Variants in ALOX12 observed in about 807,000 individuals in gnomAD.
The protein encoded by ALOX12 is arachidonate 12-lipoxygenase, 12S type, also known as polyunsaturated fatty acid lipoxygenase ALOX12.
A neutral mutation model predicts 85.5 loss-of-function variants in ALOX12; 62 were observed. That is an observed-to-expected ratio of 0.73 (90% CI 0.59 to 0.90). ALOX12 has a LOEUF of 0.90. ALOX12 is among the 40% of genes least tolerant of loss of function. The pLI is 0.00. For missense variants in ALOX12, 751 were observed against 856.5 expected (o/e 0.88, Z 1.54); for synonymous variants, 299 against 332.7 (o/e 0.90, Z 1.10).
In ALOX12 at chr17:7,006,669, C is replaced by A. The variant is rs73979715; in HGVS notation, c.1540+62C>A. 149 of 1,514,212 alleles carry A rather than the reference C, an allele frequency of 9.8e-5. No homozygotes were observed. The African/African-American group carries it at 2.0e-3, about 20-fold the overall frequency. The allele number at this position is 1,514,212 out of a possible 1,614,324, so 93.8% of individuals were successfully genotyped here. On this transcript the variant is annotated intron_variant, in intron 11 of 13. Transcript: ENST00000251535. Reference sequence around the variant, plus strand: ...AGACTCTGCCAGGGCGCCTTCCCAGCCCTGCCCTTCTGGGGACAGGACCCC... The same window carrying A: ...AGACTCTGCCAGGGCGCCTTCCCAGACCTGCCCTTCTGGGGACAGGACCCC...
chr17:6,999,120 C>T, intron 5 of ALOX12, 64 bp downstream of exon 5: 1 of 1,537,384 alleles, frequency 6.5e-7, no homozygotes, highest in Non-Finnish European at 9.0e-7. Context: ...CATCACACTC[C>T]ACAGTCCCCC....
intron 11 of ALOX12, chr17:7,009,436 A>G (rs1187484037): frequency 3.6e-6 from 1 of 276,330 alleles, no homozygotes. Flanking sequence ...CAATCCTTCC[A>G]TAACAATAAT....
At position 7,004,520 on chromosome 17, in the gene ALOX12, A is replaced by G. The variant is rs1227269050; in HGVS notation, c.1162-737A>G. 4.7e-5 allele frequency among the ~76,000 whole-genome samples: 7 copies of G among 147,936 alleles called. No individual in the cohort carries two copies. The East Asian group carries it at 9.7e-4, about 21-fold the overall frequency. On this transcript the variant is annotated intron_variant, in intron 8 of 13. Transcript: ENST00000251535. ...AATATTAAATTAATTTAAATTTAAT[A>G]TTAAATTTTAATAGCTAAGGAAAAT... is the stretch of plus-strand genomic sequence containing the variant.
At chr17:6,998,869 A>G in intron 4 of ALOX12, 32 bp downstream of exon 4, 1 of 1,614,154 alleles carries the variant, frequency 6.2e-7, no homozygotes, top group Non-Finnish European at 8.5e-7. Context: ...GGAGTGAAAT[A>G]AGGGCTGGGA....
At chr17:7,005,472 G>GTA in intron 9 of ALOX12, 129 bp downstream of exon 9, 16 of 322,420 alleles carry the variant, frequency 5.0e-5, no homozygotes, top group East Asian at 6.1e-5. Context: ...TTATACCCAT[G>GTA]TCTTTTTTTT....
At chr17:6,999,119 C>A in intron 5 of ALOX12, 63 bp downstream of exon 5, 1 of 1,534,820 alleles carries the variant, frequency 6.5e-7, no homozygotes, top group South Asian at 1.1e-5. Flanking sequence ...TCATCACACT[C>A]CACAGTCCCC....
At chr17:7,005,790 C>T (rs1909012750) in intron 9 of ALOX12, 68 bp from the exon 10 acceptor site, 2 of 1,543,152 alleles carry the variant, frequency 1.3e-6, no homozygotes, top group Non-Finnish European at 1.8e-6. Context: ...ATTTGCCCCA[C>T]TTTATGGAAG....
intron 11 of ALOX12, 197 bp from the exon 12 acceptor site, chr17:7,009,550 G>A (rs1261817317): frequency 1.8e-6 from 1 of 558,014 alleles, no homozygotes; most frequent in African/African-American, 1.9e-5. Context: ...AAAAAACTGA[G>A]GTTCAAATAG....
rs1274901113 is a variant in ALOX12 at position 6,996,920 on chromosome 17, T to C, written c.230T>C (p.Phe77Ser). 6.2e-7 allele frequency: 1 copy of C among 1,612,182 alleles called. No individual in the cohort carries two copies. The highest frequency in any genetic ancestry group is 1.3e-5 in the African/African-American group (1 of 74,918). The change falls in exon 2 of 14, where the codon TTC becomes TCC. Residue 77 changes from phenylalanine (F) to serine (S), a missense_variant. Coordinates refer to ENST00000251535, the MANE Select transcript of ALOX12 (RefSeq NM_000697.3). ...CACTGGCTGGTGGACGACGCGTGGT[T>C]CTGCGACCGCATCACGGTGCAGGGC... ...KHHWLVDDAWFCDRITVQGPG... is the reference protein window; with the variant it reads ...KHHWLVDDAWSCDRITVQGPG...
At chr17:6,999,860 C>T (rs982889596) in intron 6 of ALOX12, among the ~76,000 whole-genome samples, 2 of 152,120 alleles carry the variant, frequency 1.3e-5, no homozygotes, top group Non-Finnish European at 2.9e-5. Context: ...GAGGACAAGC[C>T]TAGGCAAAAT....
At position 6,996,203 on chromosome 17, in the gene ALOX12, C is replaced by T. The variant is rs1371636142; in HGVS notation, c.86C>T (p.Thr29Met). The T allele has an allele frequency of 3.3e-5, 41 of 1,251,442 alleles. No individual in the cohort carries two copies. The highest frequency in any genetic ancestry group is 4.7e-5 in the African/African-American group (3 of 64,418). 77.5% of individuals were successfully genotyped at this position (1,251,442 alleles called of 1,614,324 possible). A position where few individuals can be genotyped will look rare whatever the true frequency, so the allele number is the denominator to read the frequency against. The change falls in exon 1 of 14, where the codon ACG (threonine) becomes ATG (methionine). Residue 29 changes from threonine to methionine, a missense_variant. Coordinates refer to ENST00000251535, the MANE Select transcript of ALOX12 (RefSeq NM_000697.3). Reference protein sequence around the residue: ...YNRVQLWLVGTRGEAELELQL... With the variant: ...YNRVQLWLVGMRGEAELELQL... ...CGCGTGCAGCTTTGGCTGGTCGGGA[C>T]GCGCGGGGAGGCGGAGCTGGAGCTG...
intron 2 of ALOX12, 54 bp from the exon 3 acceptor site, chr17:6,998,455 G>A (rs1908551776): frequency 2.6e-6 from 3 of 1,176,028 alleles, no homozygotes; most frequent in Admixed American, 1.8e-5. Flanking sequence ...AGGACAAGAG[G>A]CGGGCATAGG....
At chr17:6,997,620 C>T (rs1233691891) in intron 2 of ALOX12, among the ~76,000 whole-genome samples, 2 of 147,630 alleles carry the variant, frequency 1.4e-5, no homozygotes, top group African/African-American at 2.5e-5. Flanking sequence ...TGCAGTGGTG[C>T]GATCTTGGCT....
In ALOX12 at chr17:7,010,056, T is replaced by C. The variant is rs145877516; in HGVS notation, c.1742T>C (p.Leu581Pro). 5 of 1,614,104 alleles carry C rather than the reference T, an allele frequency of 3.1e-6. No individual in the cohort carries two copies. In the African/African-American group the frequency reaches 5.3e-5, roughly 17 times the overall value. Residue 581 changes from leucine (L) to proline (P), a missense_variant, in exon 13 of 14, where the codon CTA (leucine) becomes CCA (proline). Physicochemically the swap from Leu to Pro is moderately conservative, Grantham distance 98. Transcript: ENST00000251535. ...ACGATGGCCACAGTGATGGGGTCAC[T>C]ACCTGATGTCCGGCAGGCCTGTCTT... ...DVTMATVMGSLPDVRQACLQM... is the reference protein window; with the variant it reads ...DVTMATVMGSPPDVRQACLQM...
rs374304110 is a variant in ALOX12 at position 7,005,356 on chromosome 17, C to G, written c.1248+13C>G. On this transcript the variant is annotated intron_variant, in intron 9 of 13. Coordinates refer to ENST00000251535, the MANE Select transcript of ALOX12 (RefSeq NM_000697.3). The stretch of plus-strand genomic sequence containing the variant: ...AATTTTTGATAAGGTGAGGAGGGTA[C>G]GGGGCATGGGACTGCCTCATCCATC... 42 of 1,600,162 alleles carry G rather than the reference C, an allele frequency of 2.6e-5. No individual in the cohort carries two copies. The highest frequency in any genetic ancestry group is 3.6e-5 in the Non-Finnish European group (42 of 1,168,004).
In ALOX12 at chr17:7,005,404, G is replaced by C. The variant is rs1347537894; in HGVS notation, c.1248+61G>C. 3 of 1,416,548 alleles carry C rather than the reference G, an allele frequency of 2.1e-6. No homozygotes were observed. The East Asian group carries it at 6.9e-5, about 33-fold the overall frequency. 87.7% of individuals were successfully genotyped at this position (1,416,548 alleles called of 1,614,324 possible). On this transcript the variant is annotated intron_variant, in intron 9 of 13. Coordinates refer to ENST00000251535, the MANE Select transcript of ALOX12 (RefSeq NM_000697.3). Reference sequence around the variant, plus strand: ...ATCTCTCCATGATCTGCCACTTTCAGGATCCAAGATCAACTATGTGTGAAT... The same window carrying C: ...ATCTCTCCATGATCTGCCACTTTCACGATCCAAGATCAACTATGTGTGAAT...
Position 7,003,383 on chromosome 17 carries a change from A to C in ALOX12, c.1161+1572A>C, listed in dbSNP as rs538318463. Among the ~76,000 whole-genome samples, 67 of 152,312 alleles carry C rather than the reference A, an allele frequency of 4.4e-4. No homozygotes were observed. In the South Asian group the frequency reaches 0.013, roughly 30 times the overall value. On this transcript the variant is annotated intron_variant, in intron 8 of 13. Transcript: ENST00000251535. ...AGGTTATTAAAGGTTAAAATGACTT[A>C]ATGGTGTGACACAAGCTAAATGCTA...
rs1290459894 is a variant in ALOX12, at chr17:6,996,353, G to A, written c.135+101G>A. 8 of 1,187,176 alleles carry A rather than the reference G, an allele frequency of 6.7e-6. No homozygotes were observed. In the East Asian group the frequency reaches 1.7e-4, roughly 25 times the overall value. 73.5% of individuals were successfully genotyped at this position (1,187,176 alleles called of 1,614,324 possible). On this transcript the variant is annotated intron_variant, in intron 1 of 13. Coordinates refer to ENST00000251535, the MANE Select transcript of ALOX12 (RefSeq NM_000697.3). ...GGGAGGGCGGGAGGCTGGGGGCGAG[G>A]TGACAGCGCGACCTCGCGGACTGGG... is the stretch of plus-strand genomic sequence containing the variant.
chr17:7,006,607 G>C lies in ALOX12; in HGVS notation c.1540G>C (p.Gly514Arg). 6.3e-7 allele frequency: 1 copy of C among 1,596,140 alleles called. No individual in the cohort carries two copies. Among genetic ancestry groups the C allele is most frequent in the Non-Finnish European group, 8.5e-7 (1 of 1,170,734 alleles). Residue 514 changes from glycine (G) to arginine (R), a missense_variant and splice_region_variant, in exon 11 of 14, where the codon GGT (glycine) becomes CGT (arginine). Transcript: ENST00000251535. ...GGGGCTGTGCCAGGCCCAGGACCGA[G>C]GTAAGATCCATTCTAGAGACAGAAG... ...EVGLCQAQDR[G>R]FPVSFQSQSQ... is the part of the protein sequence containing the mutation.
Sources: allele counts gnomAD v4.1 joint callset (sites outside exome capture counted in the v4.1 genomes callset), GRCh38; gene constraint gnomAD v4.1.1; transcripts MANE v1.5; gene names NCBI Gene and HGNC (gene_info 2026-07-23, HGNC 2026-07-21).